The following PAPOLG variants were observed in gnomAD, a reference collection of about 807,000 sequenced individuals.
PAPOLG encodes the protein poly(A) polymerase gamma.
In PAPOLG, 40 loss-of-function variants were observed where a neutral mutation model predicts 99.0. That is an observed-to-expected ratio of 0.40 (90% confidence interval 0.31 to 0.53). The LOEUF (loss-of-function observed/expected upper bound fraction) is 0.53. Among genes scored for constraint, PAPOLG ranks in the 20% least tolerant of loss-of-function variants. The pLI is 0.41. For synonymous variants in PAPOLG, 310 were observed against 299.3 expected (o/e 1.04, Z -0.37); for missense variants, 675 against 884.1 (o/e 0.76, Z 3.00).
rs1670760163 is a variant in PAPOLG at position 60,768,726 on chromosome 2, A to G, written c.329-55A>G. On this transcript the variant is annotated intron_variant, in intron 4 of 21. Transcript: ENST00000238714. ...CTGTACATATGTTTGTGTGTACTTT[A>G]ACAAAGAATATAACACATAATATAT... The G allele has an allele frequency of 1.5e-5, 21 of 1,434,850 alleles. No individual in the cohort carries two copies. The South Asian group carries it at 2.7e-4, about 19-fold the overall frequency. The allele number at this position is 1,434,850 out of a possible 1,614,324, so 88.9% of individuals were successfully genotyped here. A position where few individuals can be genotyped will look rare whatever the true frequency, so the allele number is the denominator to read the frequency against.
At chr2:60,782,558 A>G in intron 11 of PAPOLG, 128 bp from the exon 12 acceptor site, 1 of 1,300,982 alleles carries the variant, frequency 7.7e-7, no homozygotes, top group East Asian at 3.0e-5. Flanking sequence ...CTCTGTCTCA[A>G]AAAAAGAAAA....
At chr2:60,765,797 C>G (rs1670659712) in intron 3 of PAPOLG, among the ~76,000 whole-genome samples, 1 of 152,000 alleles carries the variant, frequency 6.6e-6, no homozygotes, top group South Asian at 2.1e-4. Context: ...CTTCTCTGTC[C>G]ATTTCATTCA....
intron 15 of PAPOLG, among the ~76,000 whole-genome samples, chr2:60,788,047 GAAAAA>G (rs956336828): frequency 2.1e-5 from 3 of 144,562 alleles, no homozygotes; most frequent in African/African-American, 7.7e-5. Context: ...CTCAAAAAAA[GAAAAA>G]AAGAAAAAAA....
chr2:60,782,085 A>G (rs1671206081), intron 11 of PAPOLG, 80 bp downstream of exon 11: 1 of 1,419,664 alleles, frequency 7.0e-7, no homozygotes, highest in South Asian at 1.2e-5. Flanking sequence ...GCAGCTATGG[A>G]TTGGCAGTTA....
intron 3 of PAPOLG, among the ~76,000 whole-genome samples, chr2:60,766,696 C>T (rs1018377389): frequency 2.0e-5 from 3 of 146,922 alleles, no homozygotes; most frequent in African/African-American, 7.5e-5. Context: ...AAAAAAAAAA[C>T]CCAAAAAAAC....
At chr2:60,762,485 A>G (rs1260343332) in intron 3 of PAPOLG, among the ~76,000 whole-genome samples, 2 of 152,156 alleles carry the variant, frequency 1.3e-5, no homozygotes, top group East Asian at 3.8e-4. Flanking sequence ...TATATGAAAT[A>G]ATATAGTACA....
rs1442769964 is a variant in PAPOLG at position 60,798,033 on chromosome 2, A to G, written c.*873A>G. The stretch of plus-strand genomic sequence containing the variant: ...GGAGCAACTCATTCCAGCATCAACA[A>G]TAAGATAACCTTTAAGTATGGCACA... On this transcript the variant is annotated 3_prime_UTR_variant, in exon 22 of 22. Transcript: ENST00000238714. 1 of 152,820 alleles carries G rather than the reference A, an allele frequency of 6.5e-6. No individual in the cohort carries two copies. The highest frequency in any genetic ancestry group is 2.4e-5 in the African/African-American group (1 of 41,468). The allele number at this position is 152,820 out of a possible 1,614,324, so 9.5% of individuals were successfully genotyped here.
chr2:60,793,036 C>CA (rs1279020009), intron 17 of PAPOLG, among the ~76,000 whole-genome samples: 1 of 151,238 alleles, frequency 6.6e-6, no homozygotes, highest in African/African-American at 2.4e-5. Context: ...GACTCTGTCT[C>CA]AAAAAAACAA....
At chr2:60,779,487 A>G in intron 8 of PAPOLG, 150 bp from the exon 9 acceptor site, 1 of 794,596 alleles carries the variant, frequency 1.3e-6, no homozygotes, top group Non-Finnish European at 1.9e-6. Context: ...TGTTTTGTTT[A>G]TAGGGGAAAA....
At chr2:60,776,353 C>CAGT (rs1671018359) in intron 8 of PAPOLG, among the ~76,000 whole-genome samples, 3 of 148,260 alleles carry the variant, frequency 2.0e-5, no homozygotes. Context: ...ACAGCACAGA[C>CAGT]AGTAGAGTGA....
At chr2:60,774,942 T>A (rs1670972173) in intron 7 of PAPOLG, 92 bp from the exon 8 acceptor site, 9 of 1,546,890 alleles carry the variant, frequency 5.8e-6, no homozygotes, top group Non-Finnish European at 7.8e-6. Flanking sequence ...TCTTTCATAT[T>A]TTTAGCATTC....
At chr2:60,777,443 A>C (rs10469942) in intron 8 of PAPOLG, among the ~76,000 whole-genome samples, 1 of 151,942 alleles carries the variant, frequency 6.6e-6, no homozygotes, top group African/African-American at 2.4e-5. Flanking sequence ...GCGACAGAGC[A>C]AGACTCCGTC....
At chr2:60,784,510 C>G (rs1187244380) in intron 13 of PAPOLG, among the ~76,000 whole-genome samples, 1 of 152,150 alleles carries the variant, frequency 6.6e-6, no homozygotes, top group African/African-American at 2.4e-5. Context: ...TGTTAGACCA[C>G]CAGAGATGGT....
intron 7 of PAPOLG, among the ~76,000 whole-genome samples, chr2:60,773,250 T>C (rs1295809708): frequency 6.6e-6 from 1 of 152,156 alleles, no homozygotes; most frequent in Non-Finnish European, 1.5e-5. Flanking sequence ...TACACTACAA[T>C]CCAATGTTAG....
Position 60,798,457 on chromosome 2 carries a change from G to A in PAPOLG, c.*1297G>A, listed in dbSNP as rs538492254. 4 of 152,728 alleles carry A rather than the reference G, an allele frequency of 2.6e-5. No individual in the cohort carries two copies. Among genetic ancestry groups the A allele is most frequent in the Admixed American group, 2.0e-4 (3 of 15,284 alleles). 9.5% of individuals were successfully genotyped at this position (152,728 alleles called of 1,614,324 possible). ...AGATACCATCTTTTCAAAGAGAAAC[G>A]TTTAAAACCTTTATTGTCTCTCCTT... On this transcript the variant is annotated 3_prime_UTR_variant, in exon 22 of 22. Transcript: ENST00000238714.
intron 13 of PAPOLG, among the ~76,000 whole-genome samples, chr2:60,783,511 T>TC (rs1253583028): frequency 7.0e-4 from 89 of 127,854 alleles, no homozygotes; most frequent in African/African-American, 2.5e-3. Context: ...TTTTTTTTTT[T>TC]TTTTTTTTTT....
At chr2:60,767,864 G>A (rs1222642762) in intron 3 of PAPOLG, among the ~76,000 whole-genome samples, 4 of 152,190 alleles carry the variant, frequency 2.6e-5, no homozygotes, top group African/African-American at 9.7e-5. Flanking sequence ...GCGAAAGACA[G>A]GCAGTTGGAG....
At chr2:60,764,988 T>C (rs1157195381) in intron 3 of PAPOLG, among the ~76,000 whole-genome samples, 1 of 152,130 alleles carries the variant, frequency 6.6e-6, no homozygotes. Flanking sequence ...TGACAGGTAG[T>C]CAAAAAAAAT....
intron 15 of PAPOLG, 112 bp from the exon 16 acceptor site, chr2:60,791,649 T>G: frequency 7.7e-7 from 1 of 1,301,066 alleles, no homozygotes; most frequent in African/African-American, 1.5e-5. Flanking sequence ...GGTGGGTGGG[T>G]GGCCGGTGGT....
Sources: gnomAD v4.1 joint callset for allele counts (sites outside exome capture counted in the v4.1 genomes callset) on GRCh38, gnomAD v4.1.1 for gene constraint, MANE v1.5 for transcripts, NCBI Gene and HGNC (gene_info 2026-07-23, HGNC 2026-07-21) for gene names.